STAM2: variants seen among roughly 807,000 people sequenced by gnomAD.
The protein encoded by STAM2 is signal transducing adaptor molecule 2, also known as signal transducing adapter molecule 2.
In STAM2, 51 loss-of-function variants were observed where a neutral mutation model predicts 65.6. The observed-to-expected ratio is 0.78, with a 90% CI of 0.62 to 0.98. The LOEUF (loss-of-function observed/expected upper bound fraction) is 0.98. STAM2 is among the 50% of genes least tolerant of loss of function. STAM2 has a pLI of 0.00. For synonymous variants in STAM2, 198 were observed against 208.4 expected, an observed-to-expected ratio of 0.95 and a Z score of 0.43; for missense variants, 584 against 617.8, an observed-to-expected ratio of 0.95 and a Z score of 0.58.
intron 7 of STAM2, among the ~76,000 whole-genome samples, chr2:152,138,742 A>G (rs931743648): frequency 7.9e-5 from 12 of 152,366 alleles, no homozygotes; most frequent in African/African-American, 2.9e-4. Context: ...CTAAGATATC[A>G]TATCTGCAAA....
At position 152,119,062 on chromosome 2, in the gene STAM2, TAGAA is replaced by T. The variant is rs1371879508; in HGVS notation, c.*1508_*1511del. On this transcript the variant is annotated 3_prime_UTR_variant, in exon 14 of 14. Transcript: ENST00000263904. ...GAGAACTAGCTTGAAATGGATTTAG[TAGAA>T]AGAATGACTGCTTCCTTTAAAAAAA... The T allele has an allele frequency of 3.3e-5, 5 of 152,304 alleles. No individual in the cohort carries two copies. Among genetic ancestry groups the T allele is most frequent in the South Asian group, 2.1e-4 (1 of 4,832 alleles). The allele number at this position is 152,304 out of a possible 1,614,324, so 9.4% of individuals were successfully genotyped here. A position where few individuals can be genotyped will look rare whatever the true frequency, so the allele number is the denominator to read the frequency against.
chr2:152,147,997 T>TA (rs749601265), intron 4 of STAM2, 27 bp downstream of exon 4: 10 of 1,542,972 alleles, frequency 6.5e-6, no homozygotes, highest in South Asian at 2.4e-5. Flanking sequence ...TTTAATGACT[T>TA]AAAGTTCTTC....
intron 1 of STAM2, among the ~76,000 whole-genome samples, chr2:152,157,726 G>T (rs1246240595): frequency 1.3e-5 from 2 of 152,190 alleles, no homozygotes; most frequent in Non-Finnish European, 2.9e-5. Context: ...CAAAGCAAGA[G>T]AACACTTCAT....
intron 1 of STAM2, among the ~76,000 whole-genome samples, chr2:152,154,854 C>T (rs1334175360): frequency 6.6e-6 from 1 of 152,164 alleles, no homozygotes; most frequent in East Asian, 1.9e-4. Flanking sequence ...TACAGAGTGG[C>T]CACAAAGTCC....
intron 1 of STAM2, among the ~76,000 whole-genome samples, chr2:152,152,237 A>G (rs539937440): frequency 2.6e-4 from 40 of 151,914 alleles, no homozygotes; most frequent in Middle Eastern, 6.8e-3. Context: ...CATCATGCCC[A>G]GTCAACATTT....
rs1434330638 is a variant in STAM2, at chr2:152,120,270, T to C, written c.*304A>G. 1.2e-5 allele frequency: 4 copies of C among 334,454 alleles called. No homozygotes were observed. The highest frequency in any genetic ancestry group is 1.7e-5 in the Non-Finnish European group (3 of 180,318). The allele number at this position is 334,454 out of a possible 1,614,324, so 20.7% of individuals were successfully genotyped here. ...AGTTTGTCATAAGTATCTCATACTG[T>C]TTGTCATAAGGCTACTTAATGAGTA... On this transcript the variant is annotated 3_prime_UTR_variant, in exon 14 of 14. Transcript: ENST00000263904.
chr2:152,123,070 TA>T (rs57855439), intron 13 of STAM2, among the ~76,000 whole-genome samples: 107 of 141,032 alleles, frequency 7.6e-4, no homozygotes, highest in Non-Finnish European at 6.6e-4. Flanking sequence ...GACCTTGTCT[TA>T]AAAAAAAAAA....
At chr2:152,144,039 G>T in intron 6 of STAM2, 26 bp from the exon 7 acceptor site, 1 of 1,559,132 alleles carries the variant, frequency 6.4e-7, no homozygotes, top group Non-Finnish European at 8.7e-7. Flanking sequence ...AAAATGCAAA[G>T]AAACTGGAAT....
At chr2:152,153,132 A>C (rs192279731) in intron 1 of STAM2, among the ~76,000 whole-genome samples, 1 of 152,170 alleles carries the variant, frequency 6.6e-6, no homozygotes, top group East Asian at 1.9e-4. Flanking sequence ...TACTTTATTA[A>C]CTTTTACAAA....
At chr2:152,162,830 T>C (rs894555453) in intron 1 of STAM2, among the ~76,000 whole-genome samples, 11 of 151,104 alleles carry the variant, frequency 7.3e-5, no homozygotes, top group African/African-American at 2.7e-4. Flanking sequence ...TTAATTTTTG[T>C]ATTTTTAGTA....
At position 152,159,108 on chromosome 2, in the gene STAM2, T is replaced by TATATATATAC. The variant is rs1191937152; in HGVS notation, c.41-8880_41-8879insGTATATATAT. Among the ~76,000 whole-genome samples, 265 of 136,094 alleles carry TATATATATAC rather than the reference T, an allele frequency of 1.9e-3. 7 individuals carry two copies. Among genetic ancestry groups the TATATATATAC allele is most frequent in the Non-Finnish European group, 2.3e-3 (143 of 63,536 alleles). 89.3% of individuals were successfully genotyped at this position (136,094 alleles called of 152,430 possible). A position where few individuals can be genotyped will look rare whatever the true frequency, so the allele number is the denominator to read the frequency against. On this transcript the variant is annotated intron_variant, in intron 1 of 13. Transcript: ENST00000263904. ...CAAAAAAAAACCATATATATATATATATACACACACAGATATATATAATTT... is the reference window on the plus strand; with the variant it reads ...CAAAAAAAAACCATATATATATATATATATATATACATACACACACAGATATATATAATTT...
chr2:152,128,602 A>C (rs1006112905), intron 11 of STAM2, among the ~76,000 whole-genome samples: 2 of 152,204 alleles, frequency 1.3e-5, no homozygotes, highest in African/African-American at 2.4e-5. Flanking sequence ...TAAAGATTTG[A>C]GACACAATCC....
chr2:152,159,334 A>C (rs1689616215), intron 1 of STAM2, among the ~76,000 whole-genome samples: 1 of 151,784 alleles, frequency 6.6e-6, no homozygotes, highest in East Asian at 1.9e-4. Flanking sequence ...AAGAAAAGAA[A>C]AAGGAAAAAG....
At chr2:152,161,013 G>T (rs1014177337) in intron 1 of STAM2, among the ~76,000 whole-genome samples, 27 of 152,214 alleles carry the variant, frequency 1.8e-4, no homozygotes, top group African/African-American at 5.5e-4. Context: ...ACAGCTCATT[G>T]AGAGTGGGCC....
intron 1 of STAM2, among the ~76,000 whole-genome samples, chr2:152,166,838 C>T (rs1423373584): frequency 6.6e-6 from 1 of 152,038 alleles, no homozygotes; most frequent in Non-Finnish European, 1.5e-5. Context: ...GCTGCTGCTC[C>T]AGATAAGAAT....
chr2:152,128,493 A>C (rs1248302996), intron 11 of STAM2, among the ~76,000 whole-genome samples: 2 of 152,220 alleles, frequency 1.3e-5, no homozygotes, highest in East Asian at 3.8e-4. Context: ...TGCATAACTA[A>C]AATGTAACCG....
chr2:152,138,698 A>T (rs1366512441), intron 7 of STAM2, among the ~76,000 whole-genome samples: 1 of 152,258 alleles, frequency 6.6e-6, no homozygotes, highest in African/African-American at 2.4e-5. Context: ...TCTTAAAGCC[A>T]GAAAATAACT....
intron 8 of STAM2, 126 bp downstream of exon 8, chr2:152,135,383 C>T (rs1689135044): frequency 1.5e-6 from 1 of 677,550 alleles, no homozygotes; most frequent in Admixed American, 3.0e-5. Context: ...GTTAGATTGT[C>T]ATGCCTATAA....
chr2:152,167,943 T>G (rs1009949367), intron 1 of STAM2, among the ~76,000 whole-genome samples: 2 of 151,358 alleles, frequency 1.3e-5, no homozygotes, highest in Non-Finnish European at 2.9e-5. Flanking sequence ...AAATAAAAGC[T>G]TTTTAACTTA....
Sources: gnomAD v4.1 joint callset for allele counts (sites outside exome capture counted in the v4.1 genomes callset) on GRCh38, gnomAD v4.1.1 for gene constraint, MANE v1.5 for transcripts, NCBI Gene and HGNC (gene_info 2026-07-23, HGNC 2026-07-21) for gene names.